GLIS3: variants seen among roughly 807,000 people sequenced by gnomAD.
GLIS3 encodes the protein zinc finger protein GLIS3.
In GLIS3, 53 loss-of-function variants were observed where a neutral mutation model predicts 78.6. That is an observed-to-expected ratio of 0.67 (90% CI 0.54 to 0.85). The LOEUF (loss-of-function observed/expected upper bound fraction) is 0.85, where lower values mean the gene tolerates loss of function less well. GLIS3 is among the 40% of genes least tolerant of loss of function. The pLI is 0.00. For missense variants in GLIS3, 1,703 were observed against 1,231.1 expected, an observed-to-expected ratio of 1.38 and a Z score of -5.74; for synonymous variants, 684 against 509.9, an observed-to-expected ratio of 1.34 and a Z score of -4.60.
intron 8 of GLIS3, among the ~76,000 whole-genome samples, chr9:3,874,817 A>T (rs1821204740): frequency 1.3e-5 from 2 of 152,066 alleles, no homozygotes; most frequent in African/African-American, 2.4e-5. Flanking sequence ...TTTTTTCCTT[A>T]TATTTACACT....
intron 6 of GLIS3, among the ~76,000 whole-genome samples, chr9:3,925,705 A>C (rs1169014147): frequency 1.3e-5 from 2 of 152,132 alleles, no homozygotes; most frequent in African/African-American, 4.8e-5. Context: ...CCTTGAACTT[A>C]AACAATTGGG....
chr9:4,103,118 A>G (rs1327228354), intron 4 of GLIS3, among the ~76,000 whole-genome samples: 1 of 152,228 alleles, frequency 6.6e-6, no homozygotes, highest in Admixed American at 6.5e-5. Flanking sequence ...TAAAACACAA[A>G]GTTTTGTTCC....
intron 2 of GLIS3, among the ~76,000 whole-genome samples, chr9:4,338,541 G>C (rs113394102): frequency 1.3e-5 from 2 of 152,018 alleles, no homozygotes; most frequent in East Asian, 1.9e-4. Flanking sequence ...GACTGTATAG[G>C]GCCCCAAACT....
At chr9:4,399,426 T>C in the GLIS3 span, among the ~76,000 whole-genome samples, 4 of 152,226 alleles carry the variant, frequency 2.6e-5, no homozygotes, top group African/African-American at 9.7e-5. Context: ...GTAGATAGTT[T>C]CATCCCCATT....
the GLIS3 span, among the ~76,000 whole-genome samples, chr9:4,441,563 T>A: frequency 6.6e-6 from 1 of 152,146 alleles, no homozygotes; most frequent in Non-Finnish European, 1.5e-5. Flanking sequence ...TGTTGAGGAT[T>A]TTTGTGTCTA....
chr9:4,219,744 G>A (rs545839716), intron 2 of GLIS3, among the ~76,000 whole-genome samples: 2 of 152,292 alleles, frequency 1.3e-5, no homozygotes, highest in East Asian at 1.9e-4. Flanking sequence ...GAGCTGGGAG[G>A]AAGTGGGGGC....
At chr9:4,256,378 AT>A (rs1824940964) in intron 2 of GLIS3, among the ~76,000 whole-genome samples, 1 of 152,226 alleles carries the variant, frequency 6.6e-6, no homozygotes, top group Non-Finnish European at 1.5e-5. Context: ...AGCTAAGAAA[AT>A]ACCTGGACAA....
chr9:4,390,756 T>A, the GLIS3 span, among the ~76,000 whole-genome samples: 1 of 152,150 alleles, frequency 6.6e-6, no homozygotes, highest in Non-Finnish European at 1.5e-5. Flanking sequence ...ACTCATCCTA[T>A]ACAATGGGGC....
intron 2 of GLIS3, among the ~76,000 whole-genome samples, chr9:4,182,052 C>T (rs1043397441): frequency 1.3e-5 from 2 of 152,178 alleles, no homozygotes; most frequent in African/African-American, 4.8e-5. Context: ...GATGCAAATG[C>T]ATCCATTCTT....
chr9:4,248,900 T>G (rs1824074294), intron 2 of GLIS3, among the ~76,000 whole-genome samples: 1 of 152,202 alleles, frequency 6.6e-6, no homozygotes, highest in Non-Finnish European at 1.5e-5. Context: ...GAGAAGTGTC[T>G]GTTCGTATAC....
Position 3,828,233 on chromosome 9 carries a change from A to G in GLIS3, c.*39T>C. On this transcript the variant is annotated 3_prime_UTR_variant, in exon 11 of 11. Coordinates refer to ENST00000381971, the MANE Select transcript of GLIS3 (RefSeq NM_001042413.2). ...ACGAAAACAAAAGGTGGCAAGCAACATCAAGGTCCTGGGTGTGCAGGAGTG... is the reference window on the plus strand; with the variant it reads ...ACGAAAACAAAAGGTGGCAAGCAACGTCAAGGTCCTGGGTGTGCAGGAGTG... 1 of 1,613,480 alleles carries G rather than the reference A, an allele frequency of 6.2e-7. No homozygotes were observed. Among genetic ancestry groups the G allele is most frequent in the Non-Finnish European group, 8.5e-7 (1 of 1,179,748 alleles).
intron 2 of GLIS3, among the ~76,000 whole-genome samples, chr9:4,252,736 T>A (rs192348179): frequency 4.5e-4 from 68 of 152,344 alleles, no homozygotes; most frequent in African/African-American, 1.6e-3. Context: ...ATTTCCCTCA[T>A]CTTCGTGGAT....
chr9:4,210,206 G>A (rs1218523655), intron 2 of GLIS3, among the ~76,000 whole-genome samples: 2 of 152,186 alleles, frequency 1.3e-5, no homozygotes, highest in African/African-American at 4.8e-5. Flanking sequence ...AGACCTTCTT[G>A]AGAAAACATC....
At chr9:4,140,456 G>A (rs1280076891) in intron 2 of GLIS3, among the ~76,000 whole-genome samples, 4 of 152,168 alleles carry the variant, frequency 2.6e-5, no homozygotes. Flanking sequence ...TATTCTGCAT[G>A]GGCTTGCAAG....
the GLIS3 span, among the ~76,000 whole-genome samples, chr9:4,383,850 T>C: frequency 1.8e-4 from 27 of 152,332 alleles, no homozygotes; most frequent in African/African-American, 6.3e-4. Context: ...TATTGAATGG[T>C]AACTGGATCT....
chr9:3,971,593 T>C (rs1281604061), intron 4 of GLIS3, among the ~76,000 whole-genome samples: 1 of 152,170 alleles, frequency 6.6e-6, no homozygotes, highest in African/African-American at 2.4e-5. Context: ...GGCACATGAC[T>C]GCCAGGATGC....
At chr9:4,081,186 CAT>C (rs1473262979) in intron 4 of GLIS3, 1 of 152,212 alleles carries the variant, frequency 6.6e-6, no homozygotes, top group Non-Finnish European at 1.5e-5. Context: ...TAGAGGGAAG[CAT>C]GACTACCAGA....
intron 2 of GLIS3, among the ~76,000 whole-genome samples, chr9:4,182,256 T>C (rs1817396989): frequency 6.6e-6 from 1 of 152,184 alleles, no homozygotes; most frequent in African/African-American, 2.4e-5. Flanking sequence ...TGTAAAAAAT[T>C]TTTTTGGAAT....
chr9:3,960,069 G>A (rs893166034), intron 4 of GLIS3, among the ~76,000 whole-genome samples: 13 of 152,124 alleles, frequency 8.5e-5, no homozygotes, highest in South Asian at 2.1e-4. Context: ...CCGAGGAGGC[G>A]GAGGTTGCAG....
Sources: allele counts gnomAD v4.1 joint callset (sites outside exome capture counted in the v4.1 genomes callset), GRCh38; gene constraint gnomAD v4.1.1; transcripts MANE v1.5; gene names NCBI Gene and HGNC (gene_info 2026-07-23, HGNC 2026-07-21).